Variants in UGGT2 observed in about 807,000 individuals in gnomAD.
The protein encoded by UGGT2 is UDP-glucose:glycoprotein glucosyltransferase 2.
In UGGT2, 180 loss-of-function variants were observed where a neutral mutation model predicts 192.1. The observed-to-expected ratio is 0.94, with a 90% CI of 0.83 to 1.06. UGGT2 has a LOEUF of 1.06. Among genes scored for constraint, UGGT2 ranks in the 50% least tolerant of loss-of-function variants. The pLI is 0.00. For synonymous variants in UGGT2, 580 were observed against 591.0 expected (o/e 0.98, Z 0.27); for missense variants, 1,849 against 1,795.7 (o/e 1.03, Z -0.54).
intron 29 of UGGT2, among the ~76,000 whole-genome samples, chr13:95,873,748 G>A (rs540328371): frequency 6.6e-6 from 1 of 152,212 alleles, no homozygotes; most frequent in Non-Finnish European, 1.5e-5. Flanking sequence ...GAAGAGCCAG[G>A]GACTATCCCA....
Position 96,032,758 on chromosome 13 carries a change from A to T in UGGT2, c.159-787T>A, listed in dbSNP as rs76786770. Among the ~76,000 whole-genome samples the T allele has an allele frequency of 6.2e-4, 95 of 152,378 alleles. 1 individual carries two copies. The East Asian group carries it at 0.017, about 27-fold the overall frequency. ...GCTTGGTAAACTTAAACTAATGCTT[A>T]AAATAAATGGAAAGTATTGAGAACA... On this transcript the variant is annotated intron_variant, in intron 1 of 38. Transcript: ENST00000376747.
intron 27 of UGGT2, among the ~76,000 whole-genome samples, chr13:95,884,275 G>GT (rs2047581344): frequency 6.6e-6 from 1 of 152,056 alleles, no homozygotes; most frequent in African/African-American, 2.4e-5. Flanking sequence ...AAGAAAAAAT[G>GT]TAAAGACACC....
chr13:95,824,700 T>A (rs1293251069), intron 38 of UGGT2, among the ~76,000 whole-genome samples: 2 of 152,120 alleles, frequency 1.3e-5, no homozygotes, highest in Admixed American at 1.3e-4. Flanking sequence ...TTTAAAAAAA[T>A]TATGTTGGTT....
At chr13:95,900,710 G>A in intron 22 of UGGT2, 97 bp downstream of exon 22, 2 of 1,323,846 alleles carry the variant, frequency 1.5e-6, no homozygotes, top group Admixed American at 2.5e-5. Flanking sequence ...CGTCCTCTGT[G>A]TGTGTCAGTC....
intron 10 of UGGT2, among the ~76,000 whole-genome samples, chr13:95,974,886 A>G (rs2050888147): frequency 6.6e-6 from 1 of 152,086 alleles, no homozygotes; most frequent in Non-Finnish European, 1.5e-5. Flanking sequence ...GTATGAGACC[A>G]GCCTGTCCAA....
intron 1 of UGGT2, among the ~76,000 whole-genome samples, chr13:96,046,655 C>A (rs1271840944): frequency 6.6e-6 from 1 of 152,146 alleles, no homozygotes; most frequent in African/African-American, 2.4e-5. Flanking sequence ...GAGTGTGAGC[C>A]GAAGCGGGGC....
intron 21 of UGGT2, 57 bp downstream of exon 21, chr13:95,902,796 AC>A: frequency 6.7e-7 from 1 of 1,489,620 alleles, no homozygotes; most frequent in Non-Finnish European, 9.2e-7. Context: ...CTCCAAATAC[AC>A]TCACACTTTT....
chr13:96,053,108 G>T, intron 1 of UGGT2, 47 bp downstream of exon 1: 1 of 1,426,226 alleles, frequency 7.0e-7, no homozygotes, highest in Non-Finnish European at 9.1e-7. Context: ...GGCTGAGGGT[G>T]GCAGCGCGCC....
chr13:96,034,063 G>C (rs1349599925), intron 1 of UGGT2, among the ~76,000 whole-genome samples: 1 of 152,130 alleles, frequency 6.6e-6, no homozygotes, highest in East Asian at 1.9e-4. Flanking sequence ...TCCCATGGAC[G>C]AGTCAGCACA....
intron 38 of UGGT2, among the ~76,000 whole-genome samples, chr13:95,803,352 C>T (rs1884155821): frequency 6.6e-6 from 1 of 151,918 alleles, no homozygotes; most frequent in Non-Finnish European, 1.5e-5. Context: ...CCTCCGCCTC[C>T]CGGGTTCAAG....
intron 19 of UGGT2, 73 bp from the exon 20 acceptor site, chr13:95,925,847 C>T: frequency 2.1e-6 from 2 of 934,596 alleles, no homozygotes; most frequent in South Asian, 2.5e-5. Context: ...GGAACATGTG[C>T]AGTTAACACA....
chr13:95,977,379 A>G (rs1283643212), intron 10 of UGGT2, among the ~76,000 whole-genome samples: 1 of 152,206 alleles, frequency 6.6e-6, no homozygotes, highest in East Asian at 1.9e-4. Flanking sequence ...CTCCATCAGA[A>G]AGTGGGCGAA....
intron 20 of UGGT2, among the ~76,000 whole-genome samples, chr13:95,910,469 A>G (rs1452540627): frequency 1.3e-5 from 2 of 152,206 alleles, no homozygotes; most frequent in African/African-American, 2.4e-5. Context: ...CTTTAAACCA[A>G]CAAAGATTAA....
At chr13:95,928,410 C>T (rs9525089) in intron 17 of UGGT2, among the ~76,000 whole-genome samples, 15,984 of 106,646 alleles carry the variant, frequency 0.15, 1,193 homozygotes, top group African/African-American at 0.23. Flanking sequence ...GGGCGGCTGC[C>T]GGGCGGAGGG....
At chr13:95,966,863 C>A (rs1037940494) in intron 12 of UGGT2, among the ~76,000 whole-genome samples, 1 of 152,140 alleles carries the variant, frequency 6.6e-6, no homozygotes, top group Non-Finnish European at 1.5e-5. Context: ...TGATCTTCTG[C>A]CCATATTTTT....
chr13:95,823,847 C>A (rs1223772812), intron 38 of UGGT2, among the ~76,000 whole-genome samples: 1 of 151,926 alleles, frequency 6.6e-6, no homozygotes, highest in Non-Finnish European at 1.5e-5. Context: ...GTTTTACAGG[C>A]TCTGTGAGTT....
rs370041064 is a variant in UGGT2, at chr13:95,942,221, GGTGTGTGTGTGTGTGTGT to G, written c.1678-2148_1678-2131del. On this transcript the variant is annotated intron_variant, in intron 15 of 38. Transcript: ENST00000376747. ...GTACAAGAGCTTCTCTTAGGGTGAGGGTGTGTGTGTGTGTGTGTGTGTGTGTGTGTGTGTGTGTGTGTG... is the reference window on the plus strand; with the variant it reads ...GTACAAGAGCTTCTCTTAGGGTGAGGGTGTGTGTGTGTGTGTGTGTGTGTG... 2.2e-3 allele frequency among the ~76,000 whole-genome samples: 257 copies of G among 118,078 alleles called. 2 individuals are homozygous for G. Among genetic ancestry groups the G allele is most frequent in the African/African-American group, 5.3e-3 (166 of 31,416 alleles). The allele number at this position is 118,078 out of a possible 152,430, so 77.5% of individuals were successfully genotyped here.
intron 38 of UGGT2, among the ~76,000 whole-genome samples, chr13:95,804,340 T>A (rs892113702): frequency 2.0e-5 from 3 of 152,128 alleles, no homozygotes; most frequent in African/African-American, 7.2e-5. Context: ...ACATTCCACA[T>A]TCATGAGCTG....
chr13:95,936,868 A>T (rs1240791246), intron 17 of UGGT2, 56 bp downstream of exon 17: 3 of 1,378,184 alleles, frequency 2.2e-6, no homozygotes, highest in East Asian at 2.7e-5. Context: ...TAAGTTTTTA[A>T]TAAAAACATC....
Sources: gnomAD v4.1 joint callset for allele counts (sites outside exome capture counted in the v4.1 genomes callset) on GRCh38, gnomAD v4.1.1 for gene constraint, MANE v1.5 for transcripts, NCBI Gene and HGNC (gene_info 2026-07-23, HGNC 2026-07-21) for gene names.